The following ATP8B4 variants were observed in gnomAD, a reference collection of about 807,000 sequenced individuals.
ATP8B4 encodes the protein probable phospholipid-transporting ATPase IM.
In ATP8B4, 133 loss-of-function variants were observed where a neutral mutation model predicts 145.6. That is an observed-to-expected ratio of 0.91 (90% CI 0.79 to 1.05). The LOEUF is 1.05. Among genes scored for constraint, ATP8B4 ranks in the 50% least tolerant of loss-of-function variants. The pLI is 0.00. For missense variants in ATP8B4, 1,458 were observed against 1,425.2 expected (o/e 1.02, Z -0.37); for synonymous variants, 507 against 492.9 (o/e 1.03, Z -0.38).
In ATP8B4 at chr15:49,899,754, T is replaced by TA. The variant is rs578151648; in HGVS notation, c.2289+1337dup. On this transcript the variant is annotated intron_variant, in intron 21 of 27. Transcript: ENST00000284509. The stretch of plus-strand genomic sequence containing the variant: ...GATTTGAGCAAATTAGAATCATGAT[T>TA]AAAAAAAAAAGAAAGAAAGAAAAAG... Among the ~76,000 whole-genome samples the TA allele has an allele frequency of 1.8e-3, 272 of 148,354 alleles. 3 individuals are homozygous for TA. The South Asian group carries it at 0.02, about 11-fold the overall frequency.
At chr15:50,005,626 A>G (rs2048241862) in intron 7 of ATP8B4, among the ~76,000 whole-genome samples, 1 of 152,166 alleles carries the variant, frequency 6.6e-6, no homozygotes, top group African/African-American at 2.4e-5. Flanking sequence ...TGAGGAACCC[A>G]AGGGCCCAAG....
intron 17 of ATP8B4, chr15:49,922,195 A>G: frequency 5.4e-6 from 1 of 185,920 alleles, no homozygotes; most frequent in Non-Finnish European, 1.1e-5. Flanking sequence ...AAAGTGAATG[A>G]AGCAAAGAGC....
At chr15:50,138,934 T>A (rs2044169485) in intron 1 of ATP8B4, among the ~76,000 whole-genome samples, 1 of 152,152 alleles carries the variant, frequency 6.6e-6, no homozygotes, top group South Asian at 2.1e-4. Context: ...ATTAAATGTG[T>A]CTGTTCTCAT....
At chr15:49,967,740 C>G (rs950179726) in intron 13 of ATP8B4, among the ~76,000 whole-genome samples, 1 of 152,170 alleles carries the variant, frequency 6.6e-6, no homozygotes, top group African/African-American at 2.4e-5. Context: ...CCTAGTGAGG[C>G]AGGCCAACAT....
chr15:50,171,894 G>A (rs192838215), intron 1 of ATP8B4, among the ~76,000 whole-genome samples: 1 of 152,156 alleles, frequency 6.6e-6, no homozygotes, highest in East Asian at 1.9e-4. Flanking sequence ...TATTACAACT[G>A]ACACCACTGA....
chr15:49,860,164 G>C lies in ATP8B4; in HGVS notation c.*30C>G, dbSNP rs971030339. Reference sequence around the variant, plus strand: ...ATTTCAGCTCCACCTGAAGTGAAAAGATAACTACGTGGTTTAAATTCATAT... The same window carrying C: ...ATTTCAGCTCCACCTGAAGTGAAAACATAACTACGTGGTTTAAATTCATAT... On this transcript the variant is annotated 3_prime_UTR_variant, in exon 28 of 28. Transcript: ENST00000284509. 10 of 1,574,218 alleles carry C rather than the reference G, an allele frequency of 6.4e-6. No individual in the cohort carries two copies. In the African/African-American group the frequency reaches 1.1e-4, roughly 17 times the overall value.
intron 7 of ATP8B4, among the ~76,000 whole-genome samples, chr15:50,008,673 C>A (rs2048495302): frequency 6.6e-6 from 1 of 152,076 alleles, no homozygotes; most frequent in Non-Finnish European, 1.5e-5. Context: ...GGCTAGATGG[C>A]CAATTGGAGC....
intron 14 of ATP8B4, among the ~76,000 whole-genome samples, chr15:49,938,977 T>A (rs1046901146): frequency 1.3e-5 from 2 of 152,052 alleles, no homozygotes; most frequent in East Asian, 1.9e-4. Context: ...CACAATTACA[T>A]GTAAATTAAA....
intron 9 of ATP8B4, 85 bp from the exon 10 acceptor site, chr15:49,987,634 T>C (rs987119474): frequency 4.1e-5 from 57 of 1,379,196 alleles, no homozygotes; most frequent in Non-Finnish European, 5.5e-5. Flanking sequence ...TTACCACTGT[T>C]TCCCTCTCCT....
intron 1 of ATP8B4, among the ~76,000 whole-genome samples, chr15:50,114,103 C>CTTTCTTTTTT (rs1555494034): frequency 1.6e-4 from 9 of 55,652 alleles, no homozygotes; most frequent in South Asian, 1.0e-3. Flanking sequence ...CTCCTAGTTT[C>CTTTCTTTTTT]TTTTTTTTTT....
chr15:50,148,555 G>A (rs998453401), intron 1 of ATP8B4, among the ~76,000 whole-genome samples: 2 of 152,122 alleles, frequency 1.3e-5, no homozygotes, highest in African/African-American at 4.8e-5. Context: ...CTTCTGCCAC[G>A]TGAGGACACA....
intron 2 of ATP8B4, among the ~76,000 whole-genome samples, chr15:50,082,148 G>A (rs111864137): frequency 1.3e-5 from 2 of 152,210 alleles, no homozygotes; most frequent in African/African-American, 4.8e-5. Context: ...CATGTAGTTG[G>A]AAGCCAAAGC....
At chr15:50,046,559 T>C (rs930845708) in intron 4 of ATP8B4, among the ~76,000 whole-genome samples, 3 of 151,654 alleles carry the variant, frequency 2.0e-5, no homozygotes, top group African/African-American at 4.9e-5. Context: ...TATTCTTAAA[T>C]AGATATTCAA....
chr15:50,115,774 G>A (rs1291806897), intron 1 of ATP8B4, among the ~76,000 whole-genome samples: 1 of 152,152 alleles, frequency 6.6e-6, no homozygotes, highest in Non-Finnish European at 1.5e-5. Flanking sequence ...CTTGACACGT[G>A]TTGTCTTATT....
intron 14 of ATP8B4, among the ~76,000 whole-genome samples, chr15:49,945,714 C>T (rs1175495575): frequency 6.6e-6 from 1 of 152,062 alleles, no homozygotes; most frequent in African/African-American, 2.4e-5. Context: ...CAATATGAAA[C>T]ACCACATTAA....
intron 3 of ATP8B4, among the ~76,000 whole-genome samples, chr15:50,069,742 A>C (rs1048678804): frequency 2.6e-5 from 4 of 152,224 alleles, no homozygotes; most frequent in Non-Finnish European, 5.9e-5. Context: ...TGCTCAAAAG[A>C]GCCACATGAC....
intron 15 of ATP8B4, 41 bp from the exon 16 acceptor site, chr15:49,931,348 G>A (rs370244384): frequency 1.9e-6 from 3 of 1,564,622 alleles, no homozygotes; most frequent in Non-Finnish European, 2.6e-6. Context: ...CTGACTAACA[G>A]CTAACATTCA....
chr15:50,067,564 A>G (rs1037903294), intron 3 of ATP8B4, among the ~76,000 whole-genome samples: 2 of 152,194 alleles, frequency 1.3e-5, no homozygotes, highest in Admixed American at 1.3e-4. Flanking sequence ...TACAGGCCAC[A>G]TCACAAAATT....
At chr15:49,999,535 A>T (rs1472215879) in intron 8 of ATP8B4, among the ~76,000 whole-genome samples, 7 of 152,068 alleles carry the variant, frequency 4.6e-5, no homozygotes, top group African/African-American at 1.7e-4. Flanking sequence ...AAAGTATAAT[A>T]ATAATAAAAT....
Sources: allele counts gnomAD v4.1 joint callset (sites outside exome capture counted in the v4.1 genomes callset), GRCh38; gene constraint gnomAD v4.1.1; transcripts MANE v1.5; gene names NCBI Gene and HGNC (gene_info 2026-07-23, HGNC 2026-07-21).